MTUS2: variants seen among roughly 807,000 people sequenced by gnomAD.
The protein encoded by MTUS2 is microtubule-associated tumor suppressor candidate 2.
A neutral mutation model predicts 114.1 loss-of-function variants in MTUS2; 40 were observed. The ratio of observed to expected loss-of-function variants is 0.35; its 90% CI spans 0.27 to 0.46. MTUS2 has a LOEUF of 0.46. Among genes scored for constraint, MTUS2 ranks in the 20% least tolerant of loss-of-function variants. The pLI is 1.00. For missense variants in MTUS2, 1,679 were observed against 1,705.4 expected (o/e 0.98, Z 0.27); for synonymous variants, 688 against 672.0 (o/e 1.02, Z -0.37).
intron 2 of MTUS2, among the ~76,000 whole-genome samples, chr13:28,983,566 A>AT (rs1283886817): frequency 6.6e-6 from 1 of 152,172 alleles, no homozygotes; most frequent in African/African-American, 2.4e-5. Flanking sequence ...TTTGATTTGA[A>AT]TTTTTTTGTT....
chr13:28,846,292 GCTCT>G (rs1311469422), intron 2 of MTUS2, among the ~76,000 whole-genome samples: 2 of 152,100 alleles, frequency 1.3e-5, no homozygotes, highest in Non-Finnish European at 2.9e-5. Context: ...ATCCAGGGCA[GCTCT>G]CTCTTTGGAG....
intron 8 of MTUS2, among the ~76,000 whole-genome samples, chr13:29,390,170 G>GTT (rs137970456): frequency 1.4e-5 from 2 of 147,908 alleles, no homozygotes; most frequent in African/African-American, 5.1e-5. Context: ...ACTTGTGTGT[G>GTT]TGTGTGTTTA....
At chr13:29,434,405 T>A (rs1447641126) in intron 8 of MTUS2, among the ~76,000 whole-genome samples, 1 of 152,192 alleles carries the variant, frequency 6.6e-6, no homozygotes, top group Non-Finnish European at 1.5e-5. Flanking sequence ...CTGGGTTAGA[T>A]CACAGTGTTC....
chr13:29,301,388 A>G (rs1899198413), intron 6 of MTUS2, among the ~76,000 whole-genome samples: 1 of 152,180 alleles, frequency 6.6e-6, no homozygotes, highest in South Asian at 2.1e-4. Flanking sequence ...TGTGCCTACA[A>G]CCTGGGAAAA....
chr13:29,010,244 GAC>G (rs1470129549), intron 2 of MTUS2, among the ~76,000 whole-genome samples: 4 of 150,312 alleles, frequency 2.7e-5, no homozygotes, highest in African/African-American at 9.8e-5. Context: ...AATGCTTACT[GAC>G]ACACACATGC....
At chr13:28,904,710 T>C (rs1468409528) in intron 2 of MTUS2, among the ~76,000 whole-genome samples, 1 of 152,194 alleles carries the variant, frequency 6.6e-6, no homozygotes, top group African/African-American at 2.4e-5. Flanking sequence ...TTTGTTCTTT[T>C]GGCTTAGGAT....
At chr13:29,139,221 G>T (rs1892113825) in intron 5 of MTUS2, among the ~76,000 whole-genome samples, 1 of 152,098 alleles carries the variant, frequency 6.6e-6, no homozygotes, top group Admixed American at 6.5e-5. Flanking sequence ...CAGTGAGAAA[G>T]CACAAGCACA....
At chr13:28,830,727 CAG>C (rs1593229007) in intron 1 of MTUS2, among the ~76,000 whole-genome samples, 1 of 152,054 alleles carries the variant, frequency 6.6e-6, no homozygotes, top group East Asian at 1.9e-4. Flanking sequence ...AGTAAGGGGA[CAG>C]AAAGATTACT....
intron 4 of MTUS2, among the ~76,000 whole-genome samples, chr13:29,066,105 A>C (rs1187342425): frequency 2.0e-5 from 3 of 151,816 alleles, no homozygotes; most frequent in Non-Finnish European, 4.4e-5. Flanking sequence ...ATGTACTTCA[A>C]CTCTCTCCAA....
At chr13:29,148,139 G>A (rs79201139) in intron 5 of MTUS2, among the ~76,000 whole-genome samples, 56 of 150,260 alleles carry the variant, frequency 3.7e-4, no homozygotes, top group African/African-American at 1.3e-3. Context: ...CATTCTGAAC[G>A]TTGTGAGATG....
At position 29,026,402 on chromosome 13, in the gene MTUS2, C is replaced by T. The variant is rs1886549828; in HGVS notation, c.1704C>T (p.Pro568=). 6.2e-7 allele frequency: 1 copy of T among 1,613,854 alleles called. No homozygotes were observed. Residue 568 remains proline (P), a synonymous_variant, in exon 3 of 16, where the codon CCC becomes CCT. Coordinates refer to ENST00000612955, the MANE Select transcript of MTUS2 (RefSeq NM_001033602.4). The stretch of plus-strand genomic sequence containing the variant: ...TGTTCGGTATGGATGCGGGGTCCCC[C>T]TTGGTAGTTCCACCCCCTACTGATA... ...VSVFGMDAGS[P]LVVPPPTDSA... is the part of the protein sequence containing the mutation.
chr13:29,338,950 T>A (rs1172551452), intron 7 of MTUS2, among the ~76,000 whole-genome samples: 2 of 152,032 alleles, frequency 1.3e-5, no homozygotes, highest in African/African-American at 4.8e-5. Context: ...GCTTGCAGAA[T>A]GCTCAGGTGA....
intron 7 of MTUS2, among the ~76,000 whole-genome samples, chr13:29,344,745 T>C (rs11616745): frequency 1.3e-5 from 2 of 152,164 alleles, no homozygotes; most frequent in African/African-American, 4.8e-5. Context: ...TCTGTTATTG[T>C]TTTATACATC....
intron 5 of MTUS2, among the ~76,000 whole-genome samples, chr13:29,239,025 A>G (rs970507534): frequency 2.0e-5 from 3 of 152,164 alleles, no homozygotes; most frequent in Non-Finnish European, 4.4e-5. Context: ...AGTTCTGGAG[A>G]TCTAACGTAC....
At chr13:29,292,754 G>T (rs1898770801) in intron 6 of MTUS2, among the ~76,000 whole-genome samples, 1 of 152,004 alleles carries the variant, frequency 6.6e-6, no homozygotes. Context: ...AAAAGATCCA[G>T]TGTAGTTTGC....
chr13:28,986,238 G>A (rs1229907608), intron 2 of MTUS2, among the ~76,000 whole-genome samples: 2 of 152,054 alleles, frequency 1.3e-5, no homozygotes, highest in African/African-American at 4.8e-5. Flanking sequence ...AGCTGTTGGG[G>A]CCTATGGAGA....
intron 2 of MTUS2, among the ~76,000 whole-genome samples, chr13:28,878,206 AATATATAT>A (rs146866165): frequency 3.3e-5 from 5 of 149,598 alleles, no homozygotes; most frequent in African/African-American, 1.2e-4. Flanking sequence ...CTTAAAAAAG[AATATATAT>A]ATATATGTGT....
intron 2 of MTUS2, among the ~76,000 whole-genome samples, chr13:28,959,138 C>T (rs1317674793): frequency 6.6e-6 from 1 of 152,128 alleles, no homozygotes; most frequent in African/African-American, 2.4e-5. Context: ...GAGGAAAAAG[C>T]CCCAACAACA....
chr13:29,348,572 C>T (rs1868943698), intron 7 of MTUS2, among the ~76,000 whole-genome samples: 1 of 152,172 alleles, frequency 6.6e-6, no homozygotes, highest in Non-Finnish European at 1.5e-5. Context: ...TGTCATAGGT[C>T]AAGTTGGTTG....
Sources: allele counts gnomAD v4.1 joint callset (sites outside exome capture counted in the v4.1 genomes callset), GRCh38; gene constraint gnomAD v4.1.1; transcripts MANE v1.5; gene names NCBI Gene and HGNC (gene_info 2026-07-23, HGNC 2026-07-21).